CYP2U1: variants seen among roughly 807,000 people sequenced by gnomAD.
CYP2U1 encodes cytochrome P450 2U1.
Under a neutral mutation model 42.8 loss-of-function variants are expected in CYP2U1, and 28 were observed. That is an observed-to-expected ratio of 0.65 (90% CI 0.48 to 0.90). The LOEUF is 0.90. CYP2U1 is among the 40% of genes least tolerant of loss of function. The probability of loss-of-function intolerance (pLI) is 0.00; values close to 1 mark genes in which losing one functional copy is unlikely to be tolerated. For synonymous variants in CYP2U1, 296 were observed against 278.9 expected (o/e 1.06, Z -0.61); for missense variants, 642 against 693.8 (o/e 0.93, Z 0.84).
chr4:107,949,651 C>A, intron 4 of CYP2U1, 134 bp downstream of exon 4: 1 of 730,454 alleles, frequency 1.4e-6, no homozygotes, highest in Non-Finnish European at 2.0e-6. Flanking sequence ...ATAATTTAGA[C>A]AAGGCATCTC....
In CYP2U1 at chr4:107,945,351, A is replaced by T; in HGVS notation, c.872A>T (p.Glu291Val). 6.2e-7 allele frequency: 1 copy of T among 1,614,164 alleles called. No homozygotes were observed. The highest frequency in any genetic ancestry group is 1.1e-5 in the South Asian group (1 of 91,082). The change falls in exon 2 of 5, where the codon GAA becomes GTA. Residue 291 changes from glutamate to valine, a missense_variant. By Grantham distance (121) the Glu-to-Val change is moderately radical. Coordinates refer to ENST00000332884, the MANE Select transcript of CYP2U1 (RefSeq NM_183075.3). ...CCATTTAAGGAATTAAGACAAATTG[A>T]AAAGGATATAACCAGTTTCCTTAAA... ...FGPFKELRQI[E>V]KDITSFLKKI...
At chr4:107,943,001 C>A (rs956062820) in intron 1 of CYP2U1, among the ~76,000 whole-genome samples, 5 of 152,114 alleles carry the variant, frequency 3.3e-5, no homozygotes, top group Admixed American at 2.0e-4. Flanking sequence ...GATAAAAGAT[C>A]TGCTATGCAT....
rs141431913 is a variant in CYP2U1, at chr4:107,950,250, C to G, written c.1462C>G (p.Arg488Gly). Residue 488 changes from arginine to glycine, a missense_variant, in exon 5 of 5, where the codon CGG becomes GGG. Coordinates refer to ENST00000332884, the MANE Select transcript of CYP2U1 (RefSeq NM_183075.3). ...ETFIPFGIGK[R>G]VCMGEQLAKM... ...TTTTCTGATCTCATTTTTAGGGAAG[C>G]GGGTGTGTATGGGAGAACAACTGGC... 1 of 1,594,950 alleles carries G rather than the reference C, an allele frequency of 6.3e-7. No individual in the cohort carries two copies. The highest frequency in any genetic ancestry group is 8.5e-7 in the Non-Finnish European group (1 of 1,172,120).
intron 3 of CYP2U1, among the ~76,000 whole-genome samples, chr4:107,947,779 C>T (rs1184765967): frequency 6.6e-6 from 1 of 152,214 alleles, no homozygotes; most frequent in Non-Finnish European, 1.5e-5. Flanking sequence ...AGAGCATACA[C>T]AATTATACTG....
chr4:107,934,724 G>C (rs1733197052), intron 1 of CYP2U1, among the ~76,000 whole-genome samples: 1 of 152,144 alleles, frequency 6.6e-6, no homozygotes, highest in African/African-American at 2.4e-5. Flanking sequence ...ACACTAAGCT[G>C]ATTTCTGCCA....
At chr4:107,932,234 C>G in intron 1 of CYP2U1, 101 bp downstream of exon 1, 3 of 1,462,504 alleles carry the variant, frequency 2.1e-6, no homozygotes, top group East Asian at 2.5e-5. Flanking sequence ...CGCCCGCGCC[C>G]CCAGGCTGCC....
At chr4:107,941,622 T>TC (rs1733498997) in intron 1 of CYP2U1, among the ~76,000 whole-genome samples, 1 of 151,726 alleles carries the variant, frequency 6.6e-6, no homozygotes, top group Non-Finnish European at 1.5e-5. Flanking sequence ...CTTTTTTTTT[T>TC]TTTTACTTAA....
chr4:107,932,105 G>T lies in CYP2U1; in HGVS notation c.462G>T (p.Pro154=). The stretch of plus-strand genomic sequence containing the variant: ...TCTTCAGCGACCGCCCGCGGGTGCC[G>T]CTCATCTCCATCGTGACCAAGGAGA... ...AEVFSDRPRV[P]LISIVTKEKG... The change falls in exon 1 of 5, where the codon CCG becomes CCT. Residue 154 remains proline (P), a synonymous_variant. Coordinates refer to ENST00000332884, the MANE Select transcript of CYP2U1 (RefSeq NM_183075.3). 1.2e-6 allele frequency: 2 copies of T among 1,601,660 alleles called. No individual in the cohort carries two copies. Among genetic ancestry groups the T allele is most frequent in the Non-Finnish European group, 1.7e-6 (2 of 1,175,120 alleles).
At chr4:107,938,376 A>G (rs1345665909) in intron 1 of CYP2U1, 1 of 152,254 alleles carries the variant, frequency 6.6e-6, no homozygotes, top group Non-Finnish European at 1.5e-5. Context: ...TCAAGTTGGT[A>G]TCACCGCAGG....
At chr4:107,948,576 CAATAAT>C (rs770825309) in intron 3 of CYP2U1, among the ~76,000 whole-genome samples, 2 of 151,522 alleles carry the variant, frequency 1.3e-5, no homozygotes, top group African/African-American at 4.9e-5. Context: ...CAGCCTGTCT[CAATAAT>C]AATAATAATA....
chr4:107,931,628 C>A lies in CYP2U1; in HGVS notation c.-16C>A. On this transcript the variant is annotated 5_prime_UTR_variant, in exon 1 of 5. Transcript: ENST00000332884. ...CCAGGCAGCAAGGGGAACCCGAGGC[C>A]GCCGGCGCCCGGACCATGTCGTCTC... is the stretch of plus-strand genomic sequence containing the variant. 1 of 1,252,092 alleles carries A rather than the reference C, an allele frequency of 8.0e-7. No homozygotes were observed. Among genetic ancestry groups the A allele is most frequent in the Non-Finnish European group, 1.0e-6 (1 of 1,001,938 alleles). The allele number at this position is 1,252,092 out of a possible 1,614,324, so 77.6% of individuals were successfully genotyped here. A position where few individuals can be genotyped will look rare whatever the true frequency, so the allele number is the denominator to read the frequency against.
At chr4:107,936,918 A>G (rs1560696426) in intron 1 of CYP2U1, among the ~76,000 whole-genome samples, 1 of 152,362 alleles carries the variant, frequency 6.6e-6, no homozygotes, top group East Asian at 1.9e-4. Context: ...ATAAAATGGT[A>G]TCATATTCTC....
Position 107,944,993 on chromosome 4 carries a change from C to T in CYP2U1, c.514C>T (p.Pro172Ser), listed in dbSNP as rs766196673. The T allele has an allele frequency of 2.0e-5, 32 of 1,612,028 alleles. No individual in the cohort carries two copies. In the Admixed American group the frequency reaches 4.9e-4, roughly 24 times the overall value. The change falls in exon 2 of 5, where the codon CCC becomes TCC. Residue 172 changes from proline to serine, a missense_variant. Transcript: ENST00000332884. ...AGGGGTTGTGTTTGCACATTATGGT[C>T]CCGTCTGGAGACAACAAAGGAAGTT... ...EKGVVFAHYG[P>S]VWRQQRKFSH...
At chr4:107,944,920 G>A in intron 1 of CYP2U1, 50 bp from the exon 2 acceptor site, 3 of 1,527,436 alleles carry the variant, frequency 2.0e-6, no homozygotes, top group Non-Finnish European at 1.7e-6. Flanking sequence ...TCTGTTCAGT[G>A]TTATCAGGAA....
intron 2 of CYP2U1, among the ~76,000 whole-genome samples, chr4:107,946,046 G>T (rs1005545294): frequency 2.0e-5 from 3 of 152,204 alleles, no homozygotes; most frequent in African/African-American, 7.2e-5. Context: ...CAGAGTAGAA[G>T]AATACAGGGA....
chr4:107,931,640 G>C lies in CYP2U1; in HGVS notation c.-4G>C. Reference sequence around the variant, plus strand: ...GGGAACCCGAGGCCGCCGGCGCCCGGACCATGTCGTCTCCGGGGCCGTCGC... The same window carrying C: ...GGGAACCCGAGGCCGCCGGCGCCCGCACCATGTCGTCTCCGGGGCCGTCGC... On this transcript the variant is annotated 5_prime_UTR_variant, in exon 1 of 5. Transcript: ENST00000332884. 8.0e-7 allele frequency: 1 copy of C among 1,257,638 alleles called. No homozygotes were observed. Among genetic ancestry groups the C allele is most frequent in the Non-Finnish European group, 9.9e-7 (1 of 1,005,488 alleles). 77.9% of individuals were successfully genotyped at this position (1,257,638 alleles called of 1,614,324 possible). A position where few individuals can be genotyped will look rare whatever the true frequency, so the allele number is the denominator to read the frequency against.
intron 1 of CYP2U1, chr4:107,940,075 C>CTTTT: frequency 6.8e-6 from 1 of 147,052 alleles, no homozygotes; most frequent in Non-Finnish European, 1.5e-5. Flanking sequence ...GCCATTTCTT[C>CTTTT]TTTTTTTTCC....
At position 107,953,175 on chromosome 4, in the gene CYP2U1, GC is replaced by G; in HGVS notation, c.*2753del. ...AATATTCCTAACCAAATAGTTTATA[GC>G]TTATTGAGAAGAAGTCTGTTCTTGG... On this transcript the variant is annotated 3_prime_UTR_variant, in exon 5 of 5. Coordinates refer to ENST00000332884, the MANE Select transcript of CYP2U1 (RefSeq NM_183075.3). 1.3e-5 allele frequency: 2 copies of G among 152,244 alleles called. No homozygotes were observed. Among genetic ancestry groups the G allele is most frequent in the Middle Eastern group, 3.4e-3 (1 of 294 alleles). The allele number at this position is 152,244 out of a possible 1,614,324, so 9.4% of individuals were successfully genotyped here. A position where few individuals can be genotyped will look rare whatever the true frequency, so the allele number is the denominator to read the frequency against.
At chr4:107,949,632 A>C in intron 4 of CYP2U1, 115 bp downstream of exon 4, 1 of 946,622 alleles carries the variant, frequency 1.1e-6, no homozygotes, top group African/African-American at 1.7e-5. Context: ...AATATAAGAG[A>C]AGGGATCAAT....
Sources: gnomAD v4.1 joint callset for allele counts (sites outside exome capture counted in the v4.1 genomes callset) on GRCh38, gnomAD v4.1.1 for gene constraint, MANE v1.5 for transcripts, NCBI Gene and HGNC (gene_info 2026-07-23, HGNC 2026-07-21) for gene names.